Variants in CLHC1 observed in about 807,000 individuals in gnomAD.
CLHC1 encodes the protein clathrin heavy chain linker domain containing 1.
A neutral mutation model predicts 69.5 loss-of-function variants in CLHC1; 72 were observed. The observed-to-expected ratio is 1.04, with a 90% CI of 0.86 to 1.26. The LOEUF (loss-of-function observed/expected upper bound fraction) is 1.26, where lower values mean the gene tolerates loss of function less well. CLHC1 is among the 50% of genes most tolerant of loss of function. CLHC1 has a pLI of 0.00. For missense variants in CLHC1, 790 were observed against 679.3 expected (o/e 1.16, Z -1.81); for synonymous variants, 223 against 224.3 (o/e 0.99, Z 0.05).
intron 9 of CLHC1, among the ~76,000 whole-genome samples, chr2:55,202,469 T>C (rs1672043036): frequency 1.3e-5 from 2 of 151,128 alleles, no homozygotes; most frequent in South Asian, 2.1e-4. Context: ...GGCAGGAGAA[T>C]TGCTTGAACC....
intron 1 of CLHC1, among the ~76,000 whole-genome samples, chr2:55,230,303 C>T (rs1558530590): frequency 6.6e-6 from 1 of 152,124 alleles, no homozygotes; most frequent in Non-Finnish European, 1.5e-5. Flanking sequence ...TATAAAAGAA[C>T]AGTCAAGGAT....
chr2:55,191,708 G>A (rs1670947133), intron 9 of CLHC1, among the ~76,000 whole-genome samples: 1 of 151,486 alleles, frequency 6.6e-6, no homozygotes, highest in Non-Finnish European at 1.5e-5. Context: ...ACCAAAATAA[G>A]ACAATAATGA....
chr2:55,228,925 G>T (rs1674977910), intron 1 of CLHC1, among the ~76,000 whole-genome samples: 1 of 152,090 alleles, frequency 6.6e-6, no homozygotes, highest in African/African-American at 2.4e-5. Context: ...CGAGGCAGGT[G>T]GATCACTTGA....
At chr2:55,209,046 A>AT (rs907046961) in intron 7 of CLHC1, among the ~76,000 whole-genome samples, 12 of 150,298 alleles carry the variant, frequency 8.0e-5, no homozygotes, top group African/African-American at 2.9e-4. Flanking sequence ...AATTTTTTGT[A>AT]TTTTTTTTAG....
intron 9 of CLHC1, among the ~76,000 whole-genome samples, chr2:55,191,347 T>A (rs1419030947): frequency 6.6e-6 from 1 of 152,170 alleles, no homozygotes; most frequent in Non-Finnish European, 1.5e-5. Context: ...GTGATTCTCC[T>A]GCCTCAGTCT....
At position 55,173,204 on chromosome 2, in the gene CLHC1, G is replaced by A. The variant is rs1384544829; in HGVS notation, c.*2586C>T. Among the ~76,000 whole-genome samples, 2 of 152,120 alleles carry A rather than the reference G, an allele frequency of 1.3e-5. No homozygotes were observed. The highest frequency in any genetic ancestry group is 6.5e-5 in the Admixed American group (1 of 15,282). The stretch of plus-strand genomic sequence containing the variant: ...AGACCTAATAGAACACATGAACGTT[G>A]GTTAAATCTTCATTGGAACAATTCA... On this transcript the variant is annotated 3_prime_UTR_variant, in exon 13 of 13. Transcript: ENST00000401408.
At chr2:55,195,406 T>C (rs1431111730) in intron 9 of CLHC1, among the ~76,000 whole-genome samples, 2 of 152,220 alleles carry the variant, frequency 1.3e-5, no homozygotes, top group African/African-American at 4.8e-5. Context: ...TGCCATGCTA[T>C]GAACTGGAAG....
At chr2:55,204,026 T>A (rs1197089039) in intron 9 of CLHC1, among the ~76,000 whole-genome samples, 1 of 152,220 alleles carries the variant, frequency 6.6e-6, no homozygotes. Flanking sequence ...GGTTCACACC[T>A]GTAATCCCAA....
intron 2 of CLHC1, chr2:55,225,795 T>G (rs1257031610): frequency 6.6e-6 from 1 of 152,234 alleles, no homozygotes; most frequent in Non-Finnish European, 1.5e-5. Flanking sequence ...GGGGCACTGA[T>G]CTGTGAGCTC....
At chr2:55,185,953 T>G (rs1190603373) in intron 9 of CLHC1, among the ~76,000 whole-genome samples, 2 of 152,156 alleles carry the variant, frequency 1.3e-5, no homozygotes, top group Non-Finnish European at 2.9e-5. Context: ...AGAAAGCAAT[T>G]GTCTAAAAAA....
intron 10 of CLHC1, 87 bp downstream of exon 10, chr2:55,181,483 C>T: frequency 1.9e-6 from 2 of 1,030,076 alleles, no homozygotes; most frequent in Non-Finnish European, 1.4e-6. Flanking sequence ...GTTCAAGTAA[C>T]ATATTGATAA....
At chr2:55,221,523 C>T (rs1036678107) in intron 3 of CLHC1, among the ~76,000 whole-genome samples, 1 of 152,144 alleles carries the variant, frequency 6.6e-6, no homozygotes, top group Non-Finnish European at 1.5e-5. Context: ...TAGATCAAAT[C>T]TAAACCAAGA....
chr2:55,211,488 C>G (rs1331714512), intron 5 of CLHC1, among the ~76,000 whole-genome samples: 3 of 122,600 alleles, frequency 2.4e-5, no homozygotes, highest in African/African-American at 6.4e-5. Context: ...GGTGACAGAG[C>G]GAGACTATGT....
chr2:55,177,576 C>A, intron 12 of CLHC1, 26 bp downstream of exon 12: 1 of 1,527,422 alleles, frequency 6.5e-7, no homozygotes, highest in South Asian at 1.2e-5. Context: ...ACTACTATTT[C>A]TCCCACAACA....
chr2:55,211,459 G>C (rs1054959644), intron 5 of CLHC1, among the ~76,000 whole-genome samples: 1 of 147,136 alleles, frequency 6.8e-6, no homozygotes, highest in Non-Finnish European at 1.5e-5. Flanking sequence ...CCAAGATCAG[G>C]CCACTGCACT....
At position 55,172,554 on chromosome 2, in the gene CLHC1, T is replaced by A. The variant is rs549894391; in HGVS notation, c.*3236A>T. On this transcript the variant is annotated 3_prime_UTR_variant, in exon 13 of 13. Transcript: ENST00000401408. ...TATATAAATAATAGTGTCTTTTTTA[T>A]GTACCCAATATATTTTTATTCAAGA... 6.6e-6 allele frequency among the ~76,000 whole-genome samples: 1 copy of A among 151,946 alleles called. No individual in the cohort carries two copies. The highest frequency in any genetic ancestry group is 1.9e-4 in the East Asian group (1 of 5,186).
Position 55,172,818 on chromosome 2 carries a change from T to A in CLHC1, c.*2972A>T, listed in dbSNP as rs1439073514. 2.0e-5 allele frequency among the ~76,000 whole-genome samples: 3 copies of A among 152,060 alleles called. No individual in the cohort carries two copies. Among genetic ancestry groups the A allele is most frequent in the Admixed American group, 6.5e-5 (1 of 15,270 alleles). On this transcript the variant is annotated 3_prime_UTR_variant, in exon 13 of 13. Coordinates refer to ENST00000401408, the MANE Select transcript of CLHC1 (RefSeq NM_152385.4). The stretch of plus-strand genomic sequence containing the variant: ...TTTTCACCTTTTAAAGTTAAAAAAG[T>A]GATTAATTTAATGGTCATTTCTTAG...
At chr2:55,195,975 C>T (rs892695594) in intron 9 of CLHC1, among the ~76,000 whole-genome samples, 2 of 152,330 alleles carry the variant, frequency 1.3e-5, no homozygotes, top group Admixed American at 1.3e-4. Flanking sequence ...CAACTCACCA[C>T]TCCCCCATCC....
rs540831357 is a variant in CLHC1 at position 55,190,831 on chromosome 2, T to G, written c.1007-9087A>C. On this transcript the variant is annotated intron_variant, in intron 9 of 12. Transcript: ENST00000401408. ...ATATTTGAAAAATAATGGCTATGTA[T>G]TTTCATATATGAGGAAAACCATAAC... 3.7e-4 allele frequency among the ~76,000 whole-genome samples: 57 copies of G among 152,160 alleles called. 1 individual carries two copies. In the South Asian group the frequency reaches 0.011, roughly 30 times the overall value.
Sources: gnomAD v4.1 joint callset for allele counts (sites outside exome capture counted in the v4.1 genomes callset) on GRCh38, gnomAD v4.1.1 for gene constraint, MANE v1.5 for transcripts, NCBI Gene and HGNC (gene_info 2026-07-23, HGNC 2026-07-21) for gene names.